The following STOML1 variants were observed in gnomAD, a reference collection of about 807,000 sequenced individuals.
STOML1 encodes stomatin like 1, also known as stomatin-like protein 1.
STOML1 carries 27 observed loss-of-function variants against 35.7 expected under a neutral mutation model. That is an observed-to-expected ratio of 0.76 (90% CI 0.56 to 1.04). The LOEUF is 1.04. Among genes scored for constraint, STOML1 ranks in the 50% least tolerant of loss-of-function variants. The pLI, the probability that STOML1 is intolerant of heterozygous loss-of-function variation, is 0.00. For missense variants in STOML1, 451 were observed against 527.1 expected (o/e 0.86, Z 1.41); for synonymous variants, 219 against 227.9 (o/e 0.96, Z 0.35).
intron 1 of STOML1, chr15:73,991,877 G>A: frequency 1.4e-6 from 1 of 722,458 alleles, no homozygotes; most frequent in Non-Finnish European, 2.2e-6. Context: ...ACGCTGGCTG[G>A]CTCTGGGGCC....
intron 6 of STOML1, among the ~76,000 whole-genome samples, 182 bp from the exon 7 acceptor site, chr15:73,984,312 T>C (rs766009616): frequency 6.6e-6 from 1 of 152,244 alleles, no homozygotes; most frequent in African/African-American, 2.4e-5. Flanking sequence ...AGTTTCCAAA[T>C]CTGTGATGAT....
In STOML1 at chr15:73,991,524, G is replaced by T. The variant is rs559336522; in HGVS notation, c.133+567C>A. The stretch of plus-strand genomic sequence containing the variant: ...GGAGGGATCAAATCCAAGGTTAGGC[G>T]GTTAGGCTGAACAGCGTGGGATCTG... On this transcript the variant is annotated intron_variant, in intron 1 of 6. Coordinates refer to ENST00000541638, the MANE Select transcript of STOML1 (RefSeq NM_004809.5). The T allele has an allele frequency of 5.7e-5, 26 of 453,534 alleles. 1 individual carries two copies. In the East Asian group the frequency reaches 1.6e-3, roughly 28 times the overall value. The allele number at this position is 453,534 out of a possible 1,614,324, so 28.1% of individuals were successfully genotyped here.
At chr15:73,992,002 G>C in intron 1 of STOML1, 89 bp downstream of exon 1, 6 of 1,455,044 alleles carry the variant, frequency 4.1e-6, no homozygotes, top group Non-Finnish European at 5.4e-6. Flanking sequence ...CGACGGCACC[G>C]GGCCGGCCGA....
Position 73,992,252 on chromosome 15 carries a change from C to T in STOML1, c.-29G>A. 6.3e-7 allele frequency: 1 copy of T among 1,577,880 alleles called. No individual in the cohort carries two copies. The highest frequency in any genetic ancestry group is 8.6e-7 in the Non-Finnish European group (1 of 1,166,248). ...TTTTGACAGGAGACACGCCCCGCGC[C>T]TCCGCGCGGCGCCCTCCCTGGCCAG... On this transcript the variant is annotated 5_prime_UTR_variant, in exon 1 of 7. Transcript: ENST00000541638.
At position 73,988,756 on chromosome 15, in the gene STOML1, T is replaced by C; in HGVS notation, c.437A>G (p.Gln146Arg). The C allele has an allele frequency of 1.9e-6, 3 of 1,614,134 alleles. No homozygotes were observed. The highest frequency in any genetic ancestry group is 2.5e-6 in the Non-Finnish European group (3 of 1,180,012). ...GAVLSVGADV[Q>R]FRIWDPVLSV... ...CAGCACCGGGTCCCAGATGCGAAAC[T>C]GGACATCGGCTCCCACGGACAGCAC... Residue 146 changes from glutamine to arginine, a missense_variant, in exon 4 of 7, where the codon CAG becomes CGG. By Grantham distance (43) the Gln-to-Arg change is conservative. Transcript: ENST00000541638. The surrounding 1 kb of genome is among the most constrained non-coding windows in gnomAD (Gnocchi z 4.8).
rs1485539537 is a variant in STOML1 at position 73,979,707 on chromosome 15, C to A, written c.*4230G>T. The A allele has an allele frequency of 6.6e-6, 1 of 152,090 alleles. No individual in the cohort carries two copies. Among genetic ancestry groups the A allele is most frequent in the African/African-American group, 2.4e-5 (1 of 41,418 alleles). 9.4% of individuals were successfully genotyped at this position (152,090 alleles called of 1,614,324 possible). On this transcript the variant is annotated 3_prime_UTR_variant, in exon 7 of 7. Transcript: ENST00000541638. ...TACACCTTTAAAAAATATGTAAATG[C>A]TAGGGGAAGAGAAACCAAACCAAAC...
At chr15:73,994,541 C>T (rs2301273), upstream of STOML1, 24,718 of 547,794 alleles carry the variant, frequency 0.045, 1,065 homozygotes, top group East Asian at 0.17. Flanking sequence ...CCCTACCTCT[C>T]CCGCTTTACC....
chr15:73,981,715 C>T lies in STOML1; in HGVS notation c.*2222G>A, dbSNP rs1177954879. On this transcript the variant is annotated 3_prime_UTR_variant, in exon 7 of 7. Transcript: ENST00000541638. ...GGTAGCTGGGATGTGGAGGACATCA[C>T]CTCCTCAGGAAAGCCTTCTCTGATT... is the stretch of plus-strand genomic sequence containing the variant. 1 of 152,278 alleles carries T rather than the reference C, an allele frequency of 6.6e-6. No homozygotes were observed. The highest frequency in any genetic ancestry group is 1.5e-5 in the Non-Finnish European group (1 of 68,102). 9.4% of individuals were successfully genotyped at this position (152,278 alleles called of 1,614,324 possible).
In STOML1 at chr15:73,983,562, C is replaced by A; in HGVS notation, c.*375G>T. On this transcript the variant is annotated 3_prime_UTR_variant, in exon 7 of 7. Transcript: ENST00000541638. ...CAGAGCTTAGAGCCTGGGCCACATG[C>A]TTGGTCCCTCACACAAGGACCAAAC... 5.5e-6 allele frequency: 1 copy of A among 183,226 alleles called. No homozygotes were observed. The highest frequency in any genetic ancestry group is 1.1e-5 in the Non-Finnish European group (1 of 88,332). 11.4% of individuals were successfully genotyped at this position (183,226 alleles called of 1,614,324 possible).
In STOML1 at chr15:73,992,091, C is replaced by T. The variant is rs778698762; in HGVS notation, c.133G>A (p.Asp45Asn). ...PERGGVGTGADVPQSWPSCLC... is the reference protein window; with the variant it reads ...PERGGVGTGANVPQSWPSCLC... ...TCCGCCGTGCCAGGCGGCCACTCACCGGCCCCTGTCCCCACGCCGCCCCGC... is the reference window on the plus strand; with the variant it reads ...TCCGCCGTGCCAGGCGGCCACTCACTGGCCCCTGTCCCCACGCCGCCCCGC... The change falls in exon 1 of 7, where the codon GAT (aspartate) becomes AAT (asparagine). Residue 45 changes from aspartate to asparagine, a missense_variant and splice_region_variant. Coordinates refer to ENST00000541638, the MANE Select transcript of STOML1 (RefSeq NM_004809.5). The T allele has an allele frequency of 3.2e-6, 5 of 1,585,050 alleles. No individual in the cohort carries two copies. Among genetic ancestry groups the T allele is most frequent in the Non-Finnish European group, 4.3e-6 (5 of 1,167,580 alleles).
chr15:73,988,427 A>G lies in STOML1; in HGVS notation c.594+172T>C. The G allele has an allele frequency of 2.6e-6, 2 of 755,300 alleles. No individual in the cohort carries two copies. Among genetic ancestry groups the G allele is most frequent in the Non-Finnish European group, 4.2e-6 (2 of 478,316 alleles). 46.8% of individuals were successfully genotyped at this position (755,300 alleles called of 1,614,324 possible). A position where few individuals can be genotyped will look rare whatever the true frequency, so the allele number is the denominator to read the frequency against. On this transcript the variant is annotated intron_variant, in intron 4 of 6. Transcript: ENST00000541638. This position sits in a 1 kb window ranked among gnomAD's most constrained non-coding sequence, Gnocchi z 4.8. The stretch of plus-strand genomic sequence containing the variant: ...TCGTTATGGTCTACGCCCACCTGCC[A>G]TTCCTCAACTCATGGCCCCACCCAG...
rs777996238 is a variant in STOML1 at position 73,989,134 on chromosome 15, G to T, written c.364C>A (p.Arg122=). The part of the protein sequence containing the change: ...DSFQRVDLRT[R]AFNVPPCKLA... ...TTGCAGGGAGGGACGTTGAAGGCTC[G>T]TGTCCTCAGATCCACCCTCTGAAAG... The change falls in exon 3 of 7, where the codon CGA becomes AGA. Residue 122 remains arginine, a synonymous_variant. Transcript: ENST00000541638. The T allele has an allele frequency of 6.2e-7, 1 of 1,607,566 alleles. No individual in the cohort carries two copies.
chr15:73,985,228 G>C lies in STOML1; in HGVS notation c.790+90C>G, dbSNP rs2069052650. ...TGGGCTGAACATCTGTGCAGGGTGTGTACTGCACAGAGCTGCTGGGATAGT... is the reference window on the plus strand; with the variant it reads ...TGGGCTGAACATCTGTGCAGGGTGTCTACTGCACAGAGCTGCTGGGATAGT... On this transcript the variant is annotated intron_variant, in intron 5 of 6. Transcript: ENST00000541638. 3.7e-6 allele frequency: 5 copies of C among 1,352,750 alleles called. No homozygotes were observed. The Admixed American group carries it at 1.1e-4, about 30-fold the overall frequency. 83.8% of individuals were successfully genotyped at this position (1,352,750 alleles called of 1,614,324 possible).
chr15:73,994,471 G>A, upstream of STOML1: 1 of 380,030 alleles, frequency 2.6e-6, no homozygotes, highest in South Asian at 3.1e-5. Context: ...ACGAAGCAGT[G>A]CCAGTGTGAA....
At position 73,992,232 on chromosome 15, in the gene STOML1, A is replaced by G. The variant is rs369884040; in HGVS notation, c.-9T>C. The G allele has an allele frequency of 4.4e-6, 7 of 1,591,130 alleles. No homozygotes were observed. The highest frequency in any genetic ancestry group is 6.0e-6 in the Non-Finnish European group (7 of 1,171,378). On this transcript the variant is annotated 5_prime_UTR_variant, in exon 1 of 7. Coordinates refer to ENST00000541638, the MANE Select transcript of STOML1 (RefSeq NM_004809.5). The stretch of plus-strand genomic sequence containing the variant: ...CCAGACCTGCCGAGCATGGCTTTTG[A>G]CAGGAGACACGCCCCGCGCCTCCGC...
At chr15:73,990,944 G>A in intron 1 of STOML1, 2 of 1,497,182 alleles carry the variant, frequency 1.3e-6, no homozygotes, top group Non-Finnish European at 1.8e-6. Context: ...TGATGCCTTA[G>A]CCTACAGGGA....
At position 73,983,841 on chromosome 15, in the gene STOML1, ACT is replaced by A; in HGVS notation, c.*94_*95del. On this transcript the variant is annotated 3_prime_UTR_variant, in exon 7 of 7. Coordinates refer to ENST00000541638, the MANE Select transcript of STOML1 (RefSeq NM_004809.5). ...GGGCCTGAAATTTGTTAGGGCCTCA[ACT>A]CTCTGTGGTGCAGATGAACACCTCC... 1 of 1,411,378 alleles carries A rather than the reference ACT, an allele frequency of 7.1e-7. No homozygotes were observed. Among genetic ancestry groups the A allele is most frequent in the Non-Finnish European group, 9.5e-7 (1 of 1,049,306 alleles). 87.4% of individuals were successfully genotyped at this position (1,411,378 alleles called of 1,614,324 possible). A position where few individuals can be genotyped will look rare whatever the true frequency, so the allele number is the denominator to read the frequency against.
chr15:73,994,544 G>A (rs1420427024), upstream of STOML1: 2 of 548,578 alleles, frequency 3.6e-6, no homozygotes. Flanking sequence ...TACCTCTCCC[G>A]CTTTACCGTA....
chr15:73,985,767 C>G, intron 4 of STOML1: 1 of 467,494 alleles, frequency 2.1e-6, no homozygotes, highest in Non-Finnish European at 3.7e-6. Context: ...TGGAGGAGGA[C>G]CCTTCCAGCA....
Sources: gnomAD v4.1 joint callset for allele counts (sites outside exome capture counted in the v4.1 genomes callset) on GRCh38, gnomAD v4.1.1 for gene constraint, Gnocchi (gnomAD v3.1) non-coding constraint, MANE v1.5 for transcripts, NCBI Gene and HGNC (gene_info 2026-07-23, HGNC 2026-07-21) for gene names.